Variants in NLRP14 observed in about 807,000 individuals in gnomAD.
NLRP14 encodes NLR family pyrin domain containing 14, also known as NACHT, LRR and PYD domains-containing protein 14.
In NLRP14, 105 loss-of-function variants were observed where a neutral mutation model predicts 94.7. The ratio of observed to expected loss-of-function variants is 1.11; its 90% CI spans 0.95 to 1.30. The LOEUF is 1.30. Ranked by LOEUF, NLRP14 falls within the 50% of genes most tolerant of loss-of-function variation. The probability of loss-of-function intolerance (pLI) is 0.00; values close to 1 mark genes in which losing one functional copy is unlikely to be tolerated. For missense variants in NLRP14, 1,362 were observed against 1,254.1 expected (o/e 1.09, Z -1.30); for synonymous variants, 508 against 459.9 (o/e 1.10, Z -1.34).
chr11:7,089,424 C>A, the NLRP14 span: 1 of 1,555,330 alleles, frequency 6.4e-7, no homozygotes, highest in Non-Finnish European at 8.7e-7. Flanking sequence ...TCCCCGCAGC[C>A]GCGGTCGCCC....
chr11:7,043,783 T>G lies in NLRP14; in HGVS notation c.1757T>G (p.Leu586Arg), dbSNP rs1852309086. 1.9e-6 allele frequency: 3 copies of G among 1,614,164 alleles called. No homozygotes were observed. The highest frequency in any genetic ancestry group is 2.5e-6 in the Non-Finnish European group (3 of 1,179,990). The change falls in exon 4 of 12, where the codon CTG becomes CGG. Residue 586 changes from leucine to arginine, a missense_variant. Leu to Arg is a moderately radical substitution (Grantham distance 102). Coordinates refer to ENST00000299481, the MANE Select transcript of NLRP14 (RefSeq NM_176822.4). ...GGATTTCTGGAGTTGTTTCACTGTC[T>G]GTATGAGACTCAAGATAAAGCGTTT... is the stretch of plus-strand genomic sequence containing the variant. ...QLGFLELFHCLYETQDKAFIS... is the reference protein window; with the variant it reads ...QLGFLELFHCRYETQDKAFIS...
chr11:7,072,170 C>T (rs1043761375), downstream of NLRP14, among the ~76,000 whole-genome samples: 4 of 152,068 alleles, frequency 2.6e-5, no homozygotes, highest in Admixed American at 6.5e-5. Context: ...CAGAAAGGGC[C>T]CAGCTGAGCA....
intron 1 of NLRP14, among the ~76,000 whole-genome samples, chr11:7,030,843 T>G (rs1165389203): frequency 6.6e-6 from 1 of 152,134 alleles, no homozygotes; most frequent in East Asian, 1.9e-4. Flanking sequence ...CTTTCCCACA[T>G]CGGGAAAGCA....
chr11:7,089,018 G>T, the NLRP14 span: 2 of 1,385,826 alleles, frequency 1.4e-6, no homozygotes, highest in Admixed American at 3.9e-5. Context: ...ACTAGGCGCC[G>T]CCTGACCAGT....
intron 1 of NLRP14, among the ~76,000 whole-genome samples, chr11:7,037,387 A>G (rs1297401833): frequency 6.6e-6 from 1 of 152,148 alleles, no homozygotes; most frequent in African/African-American, 2.4e-5. Context: ...TCCCTTCTAT[A>G]TACTTTTATT....
chr11:7,024,373 A>G (rs1851986064), intron 1 of NLRP14, among the ~76,000 whole-genome samples: 1 of 152,174 alleles, frequency 6.6e-6, no homozygotes, highest in South Asian at 2.1e-4. Flanking sequence ...TAGAAAATTT[A>G]TTGATTCATG....
chr11:7,080,041 A>T, the NLRP14 span, among the ~76,000 whole-genome samples: 4 of 152,328 alleles, frequency 2.6e-5, no homozygotes, highest in East Asian at 7.7e-4. Flanking sequence ...GGCAGGGGGA[A>T]CACAGAGAGT....
chr11:7,042,318 A>G, intron 3 of NLRP14, 70 bp from the exon 4 acceptor site: 1 of 1,277,282 alleles, frequency 7.8e-7, no homozygotes, highest in African/African-American at 1.5e-5. Context: ...TCTTGACATT[A>G]CATTTCATAG....
chr11:7,047,894 G>T (rs1442192025), intron 5 of NLRP14, among the ~76,000 whole-genome samples: 1 of 151,404 alleles, frequency 6.6e-6, no homozygotes, highest in East Asian at 1.9e-4. Context: ...CGAGTAGGTG[G>T]GACTACAGGC....
intron 7 of NLRP14, 28 bp downstream of exon 7, chr11:7,057,875 G>A (rs769733078): frequency 6.3e-7 from 1 of 1,594,760 alleles, no homozygotes. Context: ...GTTTTCTGTA[G>A]AGTCATTTTG....
chr11:7,089,921 C>T, the NLRP14 span: 1 of 1,612,928 alleles, frequency 6.2e-7, no homozygotes, highest in Non-Finnish European at 8.5e-7. Flanking sequence ...GAGGTCGCGA[C>T]CGTGACTACG....
At chr11:7,070,530 G>A in intron 11 of NLRP14, 74 bp downstream of exon 11, 1 of 1,037,438 alleles carries the variant, frequency 9.6e-7, no homozygotes, top group African/African-American at 1.6e-5. Context: ...ATTAATACAG[G>A]CCTCAGAATC....
chr11:7,039,498 A>G (rs574752856), intron 2 of NLRP14, among the ~76,000 whole-genome samples: 5 of 152,276 alleles, frequency 3.3e-5, no homozygotes, highest in South Asian at 4.1e-4. Context: ...GGTGGGGGCC[A>G]TGGCAAGAGG....
chr11:7,039,918 A>AC, intron 3 of NLRP14, 133 bp downstream of exon 3: 2 of 769,452 alleles, frequency 2.6e-6, no homozygotes, highest in South Asian at 2.9e-5. Context: ...CCTGAATGTC[A>AC]CCCAAAAAGG....
At chr11:7,031,052 G>A (rs1852086385) in intron 1 of NLRP14, among the ~76,000 whole-genome samples, 1 of 152,330 alleles carries the variant, frequency 6.6e-6, no homozygotes, top group Admixed American at 6.5e-5. Flanking sequence ...CTGGCCCGCA[G>A]CCCTCTTAGC....
intron 3 of NLRP14, 91 bp downstream of exon 3, chr11:7,039,876 C>G (rs1852221921): frequency 2.0e-6 from 2 of 1,015,890 alleles, no homozygotes; most frequent in Admixed American, 3.5e-5. Flanking sequence ...TTGTTCAAAT[C>G]TTGTTAACTT....
At chr11:7,034,240 A>G (rs558673325) in intron 1 of NLRP14, among the ~76,000 whole-genome samples, 1 of 152,250 alleles carries the variant, frequency 6.6e-6, no homozygotes, top group Admixed American at 6.5e-5. Context: ...ACTCATGGAC[A>G]TTTGCTTTGT....
chr11:7,069,407 G>A (rs1358827042), intron 10 of NLRP14, among the ~76,000 whole-genome samples: 1 of 152,190 alleles, frequency 6.6e-6, no homozygotes, highest in Non-Finnish European at 1.5e-5. Context: ...GATGCAGAAG[G>A]CTGAGTTTGA....
At chr11:7,054,287 C>A (rs1022729547) in intron 6 of NLRP14, among the ~76,000 whole-genome samples, 2 of 152,076 alleles carry the variant, frequency 1.3e-5, no homozygotes, top group Non-Finnish European at 2.9e-5. Flanking sequence ...GGTATCTCTT[C>A]AATACACTGA....
Sources: allele counts gnomAD v4.1 joint callset (sites outside exome capture counted in the v4.1 genomes callset), GRCh38; gene constraint gnomAD v4.1.1; transcripts MANE v1.5; gene names NCBI Gene and HGNC (gene_info 2026-07-23, HGNC 2026-07-21).